Variants in NR5A2 observed in about 807,000 individuals in gnomAD.
NR5A2 encodes the protein nuclear receptor subfamily 5 group A member 2.
NR5A2 carries 26 observed loss-of-function variants against 62.7 expected under a neutral mutation model. That is an observed-to-expected ratio of 0.41 (90% CI 0.30 to 0.58). The LOEUF is 0.58. NR5A2 is among the 20% of genes least tolerant of loss of function. NR5A2 has a pLI of 0.22. For synonymous variants in NR5A2, 246 were observed against 241.7 expected (o/e 1.02, Z -0.16); for missense variants, 541 against 669.1 (o/e 0.81, Z 2.11).
At chr1:200,156,868 T>C (rs1300582790) in intron 7 of NR5A2, among the ~76,000 whole-genome samples, 3 of 152,106 alleles carry the variant, frequency 2.0e-5, no homozygotes, top group Non-Finnish European at 2.9e-5. Context: ...GAAGGTTAGG[T>C]GTAGTAAATG....
At chr1:200,139,657 C>T (rs1293678792) in intron 7 of NR5A2, among the ~76,000 whole-genome samples, 1 of 152,096 alleles carries the variant, frequency 6.6e-6, no homozygotes, top group Non-Finnish European at 1.5e-5. Context: ...ATCTAATTTT[C>T]AGCCATACAT....
intron 3 of NR5A2, chr1:200,044,590 GTTTT>G (rs974123022): frequency 6.6e-6 from 1 of 151,636 alleles, no homozygotes; most frequent in African/African-American, 2.4e-5. Flanking sequence ...ATTTTTCAAA[GTTTT>G]TTTTGTTTGT....
At position 200,176,534 on chromosome 1, in the gene NR5A2, G is replaced by T. The variant is rs2690033; in HGVS notation, c.*2324G>T. On this transcript the variant is annotated 3_prime_UTR_variant, in exon 8 of 8. Transcript: ENST00000367362. ...GAAGATACATGGAGAGGAATGGTGT[G>T]GTCAACAGTTAATGAAACGGTTCTA... The T allele has an allele frequency of 0.64, 98,023 of 152,108 alleles. 31,888 individuals carry two copies. Among genetic ancestry groups the T allele is most frequent in the South Asian group, 0.72 (3,472 of 4,822 alleles). 9.4% of individuals were successfully genotyped at this position (152,108 alleles called of 1,614,324 possible).
At chr1:200,053,074 T>G (rs1649363056) in intron 5 of NR5A2, among the ~76,000 whole-genome samples, 2 of 152,184 alleles carry the variant, frequency 1.3e-5, no homozygotes, top group African/African-American at 4.8e-5. Context: ...TCTATACATC[T>G]ACAAGGTGCA....
intron 4 of NR5A2, among the ~76,000 whole-genome samples, chr1:200,046,444 T>TCACC (rs1363197535): frequency 6.6e-6 from 1 of 152,118 alleles, no homozygotes; most frequent in East Asian, 1.9e-4. Flanking sequence ...GGGATACATA[T>TCACC]CACCGATGGT....
At chr1:200,030,585 T>C (rs945809636) in intron 1 of NR5A2, among the ~76,000 whole-genome samples, 4 of 152,210 alleles carry the variant, frequency 2.6e-5, no homozygotes, top group African/African-American at 7.2e-5. Context: ...TTGAATAATA[T>C]GCAGTACTAA....
intron 4 of NR5A2, among the ~76,000 whole-genome samples, chr1:200,047,663 A>T (rs1188140495): frequency 1.3e-5 from 2 of 149,390 alleles, no homozygotes; most frequent in East Asian, 3.9e-4. Context: ...TGCAACCTCC[A>T]CTTCCCGGGT....
chr1:200,052,862 G>C (rs527439666), intron 5 of NR5A2, among the ~76,000 whole-genome samples: 12 of 152,138 alleles, frequency 7.9e-5, no homozygotes, highest in South Asian at 4.2e-4. Context: ...GGATGGTCTT[G>C]ATCTCCTGAC....
intron 6 of NR5A2, among the ~76,000 whole-genome samples, chr1:200,118,191 A>T (rs539483640): frequency 3.4e-4 from 50 of 148,098 alleles, no homozygotes; most frequent in African/African-American, 1.0e-3. Context: ...TAATTTCTGT[A>T]TTTTTAGCAC....
chr1:200,050,115 C>T (rs550532216), intron 5 of NR5A2, among the ~76,000 whole-genome samples: 3 of 152,074 alleles, frequency 2.0e-5, no homozygotes, highest in Non-Finnish European at 2.9e-5. Context: ...GAATGCACTG[C>T]GTTAGCACAA....
rs1558185806 is a variant in NR5A2 at position 200,176,071 on chromosome 1, G to GA, written c.*1863dup. 1 of 152,624 alleles carries GA rather than the reference G, an allele frequency of 6.6e-6. No homozygotes were observed. Among genetic ancestry groups the GA allele is most frequent in the Non-Finnish European group, 1.5e-5 (1 of 68,030 alleles). The allele number at this position is 152,624 out of a possible 1,614,324, so 9.5% of individuals were successfully genotyped here. The stretch of plus-strand genomic sequence containing the variant: ...TAGTGGAACTTAGTTCAGGGACATA[G>GA]AAGAGTCTTAATGAATTAAAATCAT... On this transcript the variant is annotated 3_prime_UTR_variant, in exon 8 of 8. Transcript: ENST00000367362.
chr1:200,073,246 ATATATATATATATATTCCCCTT>A (rs1453590320), intron 5 of NR5A2, among the ~76,000 whole-genome samples: 23 of 126,030 alleles, frequency 1.8e-4, no homozygotes, highest in African/African-American at 4.7e-4. Flanking sequence ...ATATATATAT[ATATATATATATATATTCCCCTT>A]TATATATATA....
At chr1:200,137,983 G>A (rs554044295) in intron 7 of NR5A2, among the ~76,000 whole-genome samples, 319 of 152,182 alleles carry the variant, frequency 2.1e-3, no homozygotes, top group African/African-American at 7.3e-3. Flanking sequence ...ACTTATTCTT[G>A]TCTTACAAAA....
intron 5 of NR5A2, among the ~76,000 whole-genome samples, chr1:200,060,759 A>G (rs1056212852): frequency 2.0e-5 from 3 of 152,088 alleles, no homozygotes; most frequent in Admixed American, 1.3e-4. Context: ...AATTCTATGA[A>G]TTCTTCACGT....
At chr1:200,087,449 C>T (rs540537222) in intron 5 of NR5A2, among the ~76,000 whole-genome samples, 10 of 152,202 alleles carry the variant, frequency 6.6e-5, no homozygotes, top group African/African-American at 2.4e-4. Flanking sequence ...TGCTGGAGTA[C>T]GGTGGTGTGA....
chr1:200,119,468 G>GT (rs1666384329), intron 6 of NR5A2, among the ~76,000 whole-genome samples: 1 of 152,150 alleles, frequency 6.6e-6, no homozygotes, highest in African/African-American at 2.4e-5. Flanking sequence ...GAGCTCTCCA[G>GT]TAAAAAAAGG....
chr1:200,088,317 G>A lies in NR5A2; in HGVS notation c.1111-22885G>A, dbSNP rs144120380. 3.8e-4 allele frequency among the ~76,000 whole-genome samples: 58 copies of A among 151,938 alleles called. 1 individual carries two copies. In the East Asian group the frequency reaches 7.6e-3, roughly 20 times the overall value. ...TTGTTGCCCAGGCTGGAGTGCAGTC[G>A]CGCGATCCTGGCTCACTGCAACCTC... On this transcript the variant is annotated intron_variant, in intron 5 of 7. Transcript: ENST00000367362.
intron 7 of NR5A2, among the ~76,000 whole-genome samples, chr1:200,131,026 G>T (rs1199746792): frequency 6.6e-6 from 1 of 152,136 alleles, no homozygotes; most frequent in Non-Finnish European, 1.5e-5. Context: ...TCATACTAAT[G>T]CCTTGCTGAT....
At position 200,087,074 on chromosome 1, in the gene NR5A2, A is replaced by G. The variant is rs533296849; in HGVS notation, c.1111-24128A>G. 1.6e-4 allele frequency among the ~76,000 whole-genome samples: 25 copies of G among 152,246 alleles called. No individual in the cohort carries two copies. In the South Asian group the frequency reaches 4.2e-3, roughly 25 times the overall value. On this transcript the variant is annotated intron_variant, in intron 5 of 7. Transcript: ENST00000367362. ...AAAAATTGGGGACAATATCGGGTAG[A>G]CAAATTTTAGTTTCTAAAGTAGCTG...
Sources: allele counts gnomAD v4.1 joint callset (sites outside exome capture counted in the v4.1 genomes callset), GRCh38; gene constraint gnomAD v4.1.1; transcripts MANE v1.5; gene names NCBI Gene and HGNC (gene_info 2026-07-23, HGNC 2026-07-21).